Variants in VAC14 observed in about 807,000 individuals in gnomAD.
VAC14 encodes VAC14 component of PIKFYVE complex.
VAC14 carries 47 observed loss-of-function variants against 85.3 expected under a neutral mutation model. The ratio of observed to expected loss-of-function variants is 0.55; its 90% CI spans 0.44 to 0.70. VAC14 has a LOEUF of 0.70. Among genes scored for constraint, VAC14 ranks in the 30% least tolerant of loss-of-function variants. The pLI is 0.00. For missense variants in VAC14, 861 were observed against 1,004.3 expected (o/e 0.86, Z 1.93); for synonymous variants, 447 against 430.5 (o/e 1.04, Z -0.47).
At chr16:70,715,814 G>C (rs1218910783) in intron 14 of VAC14, 1 of 152,254 alleles carries the variant, frequency 6.6e-6, no homozygotes, top group East Asian at 1.9e-4. Context: ...AGGCGGGATA[G>C]AGAAGGGGTG....
rs541017742 is a variant in VAC14, at chr16:70,708,189, CCT to C, written c.1662-9380_1662-9379del. ...CTGTTCTTTCCCAGGACAGCCCTCC[CCT>C]GTCTCCTGCCTCACCTGCTGCTAGT... On this transcript the variant is annotated intron_variant, in intron 14 of 18. Transcript: ENST00000261776. 2.8e-4 allele frequency among the ~76,000 whole-genome samples: 42 copies of C among 152,324 alleles called. No homozygotes were observed. The South Asian group carries it at 4.6e-3, about 17-fold the overall frequency.
chr16:70,779,754 A>C (rs931203133), intron 9 of VAC14, among the ~76,000 whole-genome samples: 1 of 152,218 alleles, frequency 6.6e-6, no homozygotes, highest in African/African-American at 2.4e-5. Context: ...GAGGACAGAG[A>C]CCCAAGAAAT....
In VAC14 at chr16:70,800,942, T is replaced by TGCCGGGGCCGC. The variant is rs1029062575; in HGVS notation, c.-53_-43dup. On this transcript the variant is annotated 5_prime_UTR_variant, in exon 1 of 19. It removes the in-frame stop codon of an upstream open reading frame in the 5' UTR. Transcript: ENST00000261776. ...ACCTCGCGACTCCTTAGCCCGCGGC[T>TGCCGGGGCCGC]GCCGGGGCCGCGCCGGGGCCAGGGG... is the stretch of plus-strand genomic sequence containing the variant. 3.4e-6 allele frequency: 5 copies of TGCCGGGGCCGC among 1,477,642 alleles called. No homozygotes were observed. The highest frequency in any genetic ancestry group is 1.5e-5 in the African/African-American group (1 of 68,718). 91.5% of individuals were successfully genotyped at this position (1,477,642 alleles called of 1,614,324 possible). A position where few individuals can be genotyped will look rare whatever the true frequency, so the allele number is the denominator to read the frequency against.
chr16:70,737,082 G>C (rs2054779938), intron 13 of VAC14, among the ~76,000 whole-genome samples: 1 of 152,202 alleles, frequency 6.6e-6, no homozygotes, highest in Non-Finnish European at 1.5e-5. Flanking sequence ...GAGGAGATGG[G>C]TGGAGAGAGA....
At chr16:70,723,684 T>A (rs886085869) in intron 14 of VAC14, among the ~76,000 whole-genome samples, 1 of 152,210 alleles carries the variant, frequency 6.6e-6, no homozygotes, top group Admixed American at 6.5e-5. Flanking sequence ...TGAAAACTGT[T>A]CCTGACCATC....
chr16:70,730,247 C>T (rs1158181469), intron 14 of VAC14, among the ~76,000 whole-genome samples: 1 of 152,008 alleles, frequency 6.6e-6, no homozygotes, highest in African/African-American at 2.4e-5. Context: ...TCAGCCCCTC[C>T]AACCCATTCG....
intron 16 of VAC14, 66 bp from the exon 17 acceptor site, chr16:70,695,689 G>C: frequency 6.7e-7 from 1 of 1,496,106 alleles, no homozygotes; most frequent in Non-Finnish European, 9.3e-7. Context: ...AGCACCACAC[G>C]CCCTCCCCCC....
intron 14 of VAC14, among the ~76,000 whole-genome samples, chr16:70,723,622 G>C (rs571867586): frequency 1.3e-5 from 2 of 152,326 alleles, no homozygotes; most frequent in East Asian, 3.9e-4. Flanking sequence ...GTCCCATCTA[G>C]AAACAACTTC....
chr16:70,731,650 A>C (rs1428817755), intron 13 of VAC14, 23 bp from the exon 14 acceptor site: 13 of 1,612,008 alleles, frequency 8.1e-6, no homozygotes, highest in Non-Finnish European at 1.1e-5. Flanking sequence ...GGATAGAGCC[A>C]GCATTTATTC....
chr16:70,722,944 G>C (rs909773256), intron 14 of VAC14, among the ~76,000 whole-genome samples: 3 of 152,132 alleles, frequency 2.0e-5, no homozygotes, highest in Non-Finnish European at 2.9e-5. Flanking sequence ...AGCCAGGTGA[G>C]GTGGCTCATG....
In VAC14 at chr16:70,762,832, C is replaced by T; in HGVS notation, c.1305+49G>A. The T allele has an allele frequency of 1.2e-6, 2 of 1,611,874 alleles. No individual in the cohort carries two copies. Among genetic ancestry groups the T allele is most frequent in the Non-Finnish European group, 1.7e-6 (2 of 1,178,798 alleles). ...CAACTATGGGCAGGCCCTGGAAAAC[C>T]AAGGCGGACCCAGAAGAGGCCCCTG... is the stretch of plus-strand genomic sequence containing the variant. On this transcript the variant is annotated intron_variant, in intron 11 of 18. Transcript: ENST00000261776. The surrounding 1 kb of genome is among the most constrained non-coding windows in gnomAD (Gnocchi z 4.1).
At chr16:70,731,438 A>G in intron 14 of VAC14, 57 bp downstream of exon 14, 1 of 1,582,232 alleles carries the variant, frequency 6.3e-7, no homozygotes, top group Non-Finnish European at 8.6e-7. Context: ...GAATGGCGTG[A>G]AAGTGAAAAG....
intron 14 of VAC14, chr16:70,731,252 C>T (rs972359922): frequency 7.9e-7 from 1 of 1,259,608 alleles, no homozygotes; most frequent in Non-Finnish European, 1.0e-6. Context: ...GATAGTAACT[C>T]AGGAAGCAAA....
intron 14 of VAC14, among the ~76,000 whole-genome samples, chr16:70,717,111 A>G (rs1264387104): frequency 6.6e-6 from 1 of 152,210 alleles, no homozygotes; most frequent in Admixed American, 6.5e-5. Context: ...CTGGTTCCAG[A>G]ACCATGACGG....
chr16:70,725,457 C>G lies in VAC14; in HGVS notation c.1661+6038G>C, dbSNP rs1185087162. On this transcript the variant is annotated intron_variant, in intron 14 of 18. Transcript: ENST00000261776. The stretch of plus-strand genomic sequence containing the variant: ...TCTTCTCAGGCCCTTCCCCCAGGCC[C>G]CACAATTAAAAACAAGTCCAGTTTC... Among the ~76,000 whole-genome samples the G allele has an allele frequency of 2.0e-5, 3 of 152,206 alleles. No individual in the cohort carries two copies. The East Asian group carries it at 5.8e-4, about 29-fold the overall frequency.
intron 12 of VAC14, among the ~76,000 whole-genome samples, chr16:70,760,670 A>G (rs1276758692): frequency 6.6e-6 from 1 of 152,140 alleles, no homozygotes; most frequent in Non-Finnish European, 1.5e-5. Context: ...CACAGCCTGA[A>G]CAGCGCTGTT....
At chr16:70,771,791 G>C (rs2033240724) in intron 10 of VAC14, 1 of 256,682 alleles carries the variant, frequency 3.9e-6, no homozygotes, top group Non-Finnish European at 7.5e-6. Flanking sequence ...ATGTTGCCCA[G>C]ACTGGTCTTA....
In VAC14 at chr16:70,692,785, AGGGGGC is replaced by A. The variant is rs887450417; in HGVS notation, c.2186+30_2186+35del. ...GGCTCCTCTGGGCCTGTCCCTGCTC[AGGGGGC>A]GGGGGCAGCAGTCCCCAGCCGGCAC... On this transcript the variant is annotated intron_variant, in intron 18 of 18. Coordinates refer to ENST00000261776, the MANE Select transcript of VAC14 (RefSeq NM_018052.5). 3 of 1,579,490 alleles carry A rather than the reference AGGGGGC, an allele frequency of 1.9e-6. No homozygotes were observed. In the African/African-American group the frequency reaches 4.0e-5, roughly 21 times the overall value.
At chr16:70,782,202 T>C (rs966883790) in intron 7 of VAC14, among the ~76,000 whole-genome samples, 199 bp from the exon 8 acceptor site, 4 of 152,350 alleles carry the variant, frequency 2.6e-5, no homozygotes, top group African/African-American at 9.6e-5. Context: ...GCAACAATCC[T>C]GTGCTAGACT....
Sources: gnomAD v4.1 joint callset for allele counts (sites outside exome capture counted in the v4.1 genomes callset) on GRCh38, gnomAD v4.1.1 for gene constraint, Gnocchi (gnomAD v3.1) non-coding constraint, MANE v1.5 for transcripts, NCBI Gene and HGNC (gene_info 2026-07-23, HGNC 2026-07-21) for gene names.